NFIA: variants seen among roughly 807,000 people sequenced by gnomAD.
NFIA encodes nuclear factor I A.
A neutral mutation model predicts 62.8 loss-of-function variants in NFIA; 8 were observed. The ratio of observed to expected loss-of-function variants is 0.13; its 90% confidence interval spans 0.07 to 0.23. NFIA has a LOEUF of 0.23. NFIA is among the 10% of genes least tolerant of loss of function. NFIA has a pLI of 1.00. For synonymous variants in NFIA, 235 were observed against 238.1 expected (o/e 0.99, Z 0.12); for missense variants, 410 against 642.1 (o/e 0.64, Z 3.91).
At chr1:61,173,820 C>T (rs370893711) in intron 2 of NFIA, among the ~76,000 whole-genome samples, 38 of 152,256 alleles carry the variant, frequency 2.5e-4, no homozygotes, top group Admixed American at 1.9e-3. Flanking sequence ...TTTCCAGCTG[C>T]GTAACCAGGA....
At chr1:61,455,068 G>A (rs1013020061) in intron 10 of NFIA, among the ~76,000 whole-genome samples, 1 of 152,144 alleles carries the variant, frequency 6.6e-6, no homozygotes, top group Non-Finnish European at 1.5e-5. Flanking sequence ...CATTCTGTAA[G>A]ATATACTCAG....
intron 4 of NFIA, among the ~76,000 whole-genome samples, chr1:61,349,311 T>G (rs533338002): frequency 6.6e-6 from 1 of 152,264 alleles, no homozygotes; most frequent in South Asian, 2.1e-4. Context: ...TGAATTTCAG[T>G]CTTCCATTTT....
chr1:61,318,758 G>A (rs1435863216), intron 3 of NFIA, among the ~76,000 whole-genome samples: 1 of 152,198 alleles, frequency 6.6e-6, no homozygotes, highest in Admixed American at 6.5e-5. Flanking sequence ...TGATTTGGAA[G>A]ACAGTTTCGC....
chr1:61,285,214 T>C (rs1658409172), intron 3 of NFIA, among the ~76,000 whole-genome samples: 1 of 152,058 alleles, frequency 6.6e-6, no homozygotes, highest in Non-Finnish European at 1.5e-5. Context: ...AGAGATATCC[T>C]TAGAAGGACC....
intron 10 of NFIA, among the ~76,000 whole-genome samples, chr1:61,443,203 A>G (rs1352207108): frequency 2.0e-5 from 3 of 152,170 alleles, no homozygotes; most frequent in Non-Finnish European, 4.4e-5. Context: ...GCACATGAAG[A>G]TGAGGTTTCT....
At chr1:61,130,650 T>A (rs948957410) in intron 2 of NFIA, among the ~76,000 whole-genome samples, 1 of 152,184 alleles carries the variant, frequency 6.6e-6, no homozygotes, top group Non-Finnish European at 1.5e-5. Context: ...AACTCTTACC[T>A]CCCTGTGTGT....
intron 3 of NFIA, among the ~76,000 whole-genome samples, chr1:61,332,205 T>G (rs777583170): frequency 2.6e-4 from 40 of 152,242 alleles, no homozygotes; most frequent in Non-Finnish European, 4.4e-4. Flanking sequence ...TGTTAAGGTC[T>G]TAGAGGTCAC....
chr1:61,281,101 A>G (rs1307409526), intron 3 of NFIA, among the ~76,000 whole-genome samples: 2 of 151,998 alleles, frequency 1.3e-5, no homozygotes, highest in Non-Finnish European at 1.5e-5. Flanking sequence ...TTAGCCAGGC[A>G]TAGTGGCACA....
chr1:61,320,241 A>G (rs1660611013), intron 3 of NFIA, among the ~76,000 whole-genome samples: 1 of 152,206 alleles, frequency 6.6e-6, no homozygotes, highest in East Asian at 1.9e-4. Context: ...ACATTTCACA[A>G]AGAATTTTCT....
intron 3 of NFIA, among the ~76,000 whole-genome samples, chr1:61,318,203 A>G (rs1332312214): frequency 6.6e-6 from 1 of 152,182 alleles, no homozygotes; most frequent in African/African-American, 2.4e-5. Flanking sequence ...CATATTTTAC[A>G]TTAGATATAT....
chr1:61,109,380 A>C (rs1325071811), intron 2 of NFIA, among the ~76,000 whole-genome samples: 1 of 151,924 alleles, frequency 6.6e-6, no homozygotes, highest in Non-Finnish European at 1.5e-5. Context: ...TTATGGTTCA[A>C]AGTCAAAGAT....
At chr1:61,194,257 T>C (rs895201169) in intron 2 of NFIA, among the ~76,000 whole-genome samples, 8 of 152,174 alleles carry the variant, frequency 5.3e-5, no homozygotes, top group Admixed American at 2.6e-4. Flanking sequence ...AGGGAAGTGC[T>C]CAGCACAACA....
chr1:61,249,167 T>C (rs1655848222), intron 2 of NFIA: 1 of 152,236 alleles, frequency 6.6e-6, no homozygotes, highest in African/African-American at 2.4e-5. Context: ...TCAAGTGTAG[T>C]GTAAACTATT....
At chr1:61,321,778 C>CA (rs1660692123) in intron 3 of NFIA, among the ~76,000 whole-genome samples, 1 of 151,966 alleles carries the variant, frequency 6.6e-6, no homozygotes, top group East Asian at 1.9e-4. Flanking sequence ...TGCAAAGATA[C>CA]AAATAGGTAA....
upstream of NFIA, among the ~76,000 whole-genome samples, chr1:61,079,055 G>T (rs1038005520): frequency 6.6e-6 from 1 of 152,192 alleles, no homozygotes; most frequent in Non-Finnish European, 1.5e-5. Flanking sequence ...TATTTCCCAA[G>T]GCTTTAGGCC....
chr1:61,228,456 A>G (rs1462087786), intron 2 of NFIA, among the ~76,000 whole-genome samples: 2 of 152,208 alleles, frequency 1.3e-5, no homozygotes, highest in Admixed American at 1.3e-4. Flanking sequence ...GGGCTTCAGT[A>G]TTGAACACTT....
intron 6 of NFIA, among the ~76,000 whole-genome samples, chr1:61,363,094 T>C (rs537648740): frequency 3.0e-4 from 46 of 152,334 alleles, no homozygotes; most frequent in Non-Finnish European, 5.1e-4. Context: ...CAAAATATAA[T>C]GATCCTGCCT....
At chr1:61,382,865 G>T (rs541540741) in intron 6 of NFIA, among the ~76,000 whole-genome samples, 1 of 152,238 alleles carries the variant, frequency 6.6e-6, no homozygotes, top group Non-Finnish European at 1.5e-5. Flanking sequence ...AAGATGAAAC[G>T]ATTGCATGTG....
intron 2 of NFIA, among the ~76,000 whole-genome samples, chr1:61,255,486 G>A (rs1353687767): frequency 1.3e-5 from 2 of 152,174 alleles, no homozygotes; most frequent in African/African-American, 4.8e-5. Context: ...GCATAAGTCC[G>A]AATTTAGAAA....
Sources: allele counts gnomAD v4.1 joint callset (sites outside exome capture counted in the v4.1 genomes callset), GRCh38; gene constraint gnomAD v4.1.1; transcripts MANE v1.5; gene names NCBI Gene and HGNC (gene_info 2026-07-23, HGNC 2026-07-21).